OLFML1: variants seen among roughly 807,000 people sequenced by gnomAD.
OLFML1 encodes olfactomedin like 1.
Under a neutral mutation model 37.3 loss-of-function variants are expected in OLFML1, and 33 were observed. The ratio of observed to expected loss-of-function variants is 0.88; its 90% CI spans 0.67 to 1.18. The LOEUF is 1.18. Among genes scored for constraint, OLFML1 ranks in the 50% most tolerant of loss-of-function variants. The pLI, the probability that OLFML1 is intolerant of heterozygous loss-of-function variation, is 0.00. For missense variants in OLFML1, 545 were observed against 483.7 expected (o/e 1.13, Z -1.19); for synonymous variants, 186 against 181.3 (o/e 1.03, Z -0.21).
rs1564918860 is a variant in OLFML1 at position 7,488,369 on chromosome 11, C to T, written c.372C>T (p.Leu124=). 1.2e-6 allele frequency: 2 copies of T among 1,613,896 alleles called. No individual in the cohort carries two copies. The highest frequency in any genetic ancestry group is 1.7e-5 in the Admixed American group (1 of 59,998). Residue 124 remains leucine, a synonymous_variant, in exon 2 of 3, where the codon CTC becomes CTT. Transcript: ENST00000329293. ...ACAAGACACTGGCAGAAATGTTGCT[C>T]CAAGAAGCTGAAGAAGAGAAAAAGA... ...SEDKTLAEML[L]QEAEEEKKIR...
At chr11:7,487,243 C>T (rs1315660774) in intron 1 of OLFML1, among the ~76,000 whole-genome samples, 3 of 152,202 alleles carry the variant, frequency 2.0e-5, no homozygotes, top group Non-Finnish European at 4.4e-5. Flanking sequence ...TCGCAGGTGG[C>T]AGTCACTGTT....
Position 7,509,587 on chromosome 11 carries a change from C to G in OLFML1, c.608C>G (p.Ala203Gly). 4 of 1,614,190 alleles carry G rather than the reference C, an allele frequency of 2.5e-6. No individual in the cohort carries two copies. The highest frequency in any genetic ancestry group is 3.4e-6 in the Non-Finnish European group (4 of 1,180,024). The stretch of plus-strand genomic sequence containing the variant: ...TTCATGGAGGATAACACCAAGCCAG[C>G]TCCCCGGAAGCAAATCCTAACACTT... ...RAFMEDNTKP[A>G]PRKQILTLSW... Residue 203 changes from alanine (A) to glycine (G), a missense_variant, in exon 3 of 3, where the codon GCT becomes GGT. Physicochemically the swap from Ala to Gly is moderately conservative, Grantham distance 60 (BLOSUM62 0). Coordinates refer to ENST00000329293, the MANE Select transcript of OLFML1 (RefSeq NM_198474.4).
At chr11:7,497,980 T>G (rs1848682844) in intron 2 of OLFML1, among the ~76,000 whole-genome samples, 1 of 152,218 alleles carries the variant, frequency 6.6e-6, no homozygotes, top group South Asian at 2.1e-4. Flanking sequence ...CCTGCTAATC[T>G]ATTTGATTTC....
intron 2 of OLFML1, among the ~76,000 whole-genome samples, chr11:7,508,173 C>T (rs1848808249): frequency 6.6e-6 from 1 of 152,188 alleles, no homozygotes; most frequent in Non-Finnish European, 1.5e-5. Context: ...ATCCTCTTCA[C>T]AATGAGTAGG....
intron 2 of OLFML1, among the ~76,000 whole-genome samples, chr11:7,504,568 T>C (rs1050385334): frequency 1.3e-5 from 2 of 152,150 alleles, no homozygotes; most frequent in Non-Finnish European, 2.9e-5. Flanking sequence ...ACTGCTACAG[T>C]AGTCCAGGCA....
chr11:7,509,885 G>A lies in OLFML1; in HGVS notation c.906G>A (p.Leu302=), dbSNP rs1254861475. ...TCACAAAGATTGAGCCGGGCACACT[G>A]GGAGTGGAGCATTCATGGGATACCC... is the stretch of plus-strand genomic sequence containing the variant. ...LVLTKIEPGT[L]GVEHSWDTPC... The change falls in exon 3 of 3, where the codon CTG becomes CTA. Residue 302 remains leucine, a synonymous_variant. Coordinates refer to ENST00000329293, the MANE Select transcript of OLFML1 (RefSeq NM_198474.4). 1.2e-6 allele frequency: 2 copies of A among 1,614,236 alleles called. No individual in the cohort carries two copies. The highest frequency in any genetic ancestry group is 2.2e-5 in the South Asian group (2 of 91,080).
chr11:7,490,132 T>TCGGGGGGG (rs779756044), intron 2 of OLFML1, among the ~76,000 whole-genome samples: 2 of 37,896 alleles, frequency 5.3e-5, no homozygotes, highest in African/African-American at 1.7e-4. Context: ...TAGGCTTTGG[T>TCGGGGGGG]GGGGGGGGGG....
At chr11:7,486,306 A>G (rs1848522958) in intron 1 of OLFML1, among the ~76,000 whole-genome samples, 1 of 152,244 alleles carries the variant, frequency 6.6e-6, no homozygotes, top group Non-Finnish European at 1.5e-5. Context: ...TTTAATCCAT[A>G]GCTAAAATAC....
chr11:7,488,656 A>G (rs1848558105), intron 2 of OLFML1: 1 of 290,806 alleles, frequency 3.4e-6, no homozygotes, highest in Non-Finnish European at 6.5e-6. Flanking sequence ...GGTGAAGGCT[A>G]TAGTGCCAAA....
intron 2 of OLFML1, among the ~76,000 whole-genome samples, chr11:7,506,441 T>G (rs1415386048): frequency 1.3e-5 from 2 of 152,194 alleles, no homozygotes; most frequent in African/African-American, 2.4e-5. Flanking sequence ...AAAGAGTTCA[T>G]GTCTAATGGT....
chr11:7,487,987 G>C, intron 1 of OLFML1, 140 bp from the exon 2 acceptor site: 1 of 617,656 alleles, frequency 1.6e-6, no homozygotes, highest in South Asian at 2.2e-5. Flanking sequence ...TTTGAATTTA[G>C]GAATTATGGG....
rs146406374 is a variant in OLFML1 at position 7,485,941 on chromosome 11, G to A, written c.66G>A (p.Pro22=). 5.7e-5 allele frequency: 92 copies of A among 1,613,918 alleles called. No homozygotes were observed. In the African/African-American group the frequency reaches 6.1e-4, roughly 11 times the overall value. The change falls in exon 1 of 3, where the codon CCG becomes CCA. Residue 22 remains proline, a synonymous_variant. Coordinates refer to ENST00000329293, the MANE Select transcript of OLFML1 (RefSeq NM_198474.4). ...TGTTCCTTGCAGCTTTTCTGCCCCC[G>A]CCGCAGTGTACCCAGGACCCAGCCA... ...LVLFLAAFLP[P]PQCTQDPAMV...
intron 2 of OLFML1, among the ~76,000 whole-genome samples, chr11:7,503,434 C>T (rs1025028367): frequency 6.6e-6 from 1 of 152,112 alleles, no homozygotes; most frequent in Non-Finnish European, 1.5e-5. Flanking sequence ...TCAAATTTGG[C>T]TGTAAAGTTG....
In OLFML1 at chr11:7,488,310, C is replaced by G; in HGVS notation, c.313C>G (p.Leu105Val). The change falls in exon 2 of 3, where the codon CTT becomes GTT. Residue 105 changes from leucine to valine, a missense_variant. By Grantham distance (32) the Leu-to-Val change is conservative. Transcript: ENST00000329293. Reference sequence around the variant, plus strand: ...ACGGGAGATTGACTACATACAATACCTTCGAGAGGCTGACGAGTGCATCGA... The same window carrying G: ...ACGGGAGATTGACTACATACAATACGTTCGAGAGGCTGACGAGTGCATCGA... ...AQREIDYIQY[L>V]READECIESE... 1 of 1,614,050 alleles carries G rather than the reference C, an allele frequency of 6.2e-7. No individual in the cohort carries two copies. The highest frequency in any genetic ancestry group is 8.5e-7 in the Non-Finnish European group (1 of 1,179,972).
At chr11:7,487,929 G>C (rs1016379665) in intron 1 of OLFML1, among the ~76,000 whole-genome samples, 198 bp from the exon 2 acceptor site, 1 of 151,926 alleles carries the variant, frequency 6.6e-6, no homozygotes. Flanking sequence ...ATGACTAAAT[G>C]CTTGGGAAAA....
chr11:7,494,190 A>G (rs543171172), intron 2 of OLFML1, among the ~76,000 whole-genome samples: 1 of 152,368 alleles, frequency 6.6e-6, no homozygotes, highest in East Asian at 1.9e-4. Flanking sequence ...AATTGGGCTC[A>G]GTGTGTTTGT....
intron 2 of OLFML1, among the ~76,000 whole-genome samples, chr11:7,502,467 A>G (rs761699702): frequency 9.2e-5 from 14 of 152,194 alleles, no homozygotes; most frequent in Non-Finnish European, 2.1e-4. Flanking sequence ...AAAATCAGGG[A>G]GACAAAGTAG....
intron 2 of OLFML1, among the ~76,000 whole-genome samples, chr11:7,500,786 C>T (rs891135732): frequency 1.3e-5 from 2 of 150,858 alleles, no homozygotes; most frequent in South Asian, 4.2e-4. Context: ...GTAATAACAG[C>T]ACTTTGGGAG....
chr11:7,491,517 TCTC>T (rs1421373698), intron 2 of OLFML1, among the ~76,000 whole-genome samples: 1 of 152,232 alleles, frequency 6.6e-6, no homozygotes, highest in Admixed American at 6.5e-5. Context: ...GTGATTAGTG[TCTC>T]CTCGATTTAT....
Sources: gnomAD v4.1 joint callset for allele counts (sites outside exome capture counted in the v4.1 genomes callset) on GRCh38, gnomAD v4.1.1 for gene constraint, MANE v1.5 for transcripts, NCBI Gene and HGNC (gene_info 2026-07-23, HGNC 2026-07-21) for gene names.